Variants in SCAI observed in about 807,000 individuals in gnomAD.
SCAI encodes the protein suppressor of cancer cell invasion.
In SCAI, 24 loss-of-function variants were observed where a neutral mutation model predicts 92.2. The observed-to-expected ratio is 0.26, with a 90% confidence interval of 0.19 to 0.37. SCAI has a LOEUF of 0.37. SCAI is among the 10% of genes least tolerant of loss of function. The pLI, the probability that SCAI is intolerant of heterozygous loss-of-function variation, is 1.00. For synonymous variants in SCAI, 261 were observed against 258.6 expected (o/e 1.01, Z -0.09); for missense variants, 450 against 736.2 (o/e 0.61, Z 4.50).
At chr9:125,066,456 A>ATT (rs1183338955) in intron 2 of SCAI, among the ~76,000 whole-genome samples, 468 of 121,532 alleles carry the variant, frequency 3.9e-3, no homozygotes, top group Non-Finnish European at 6.1e-3. Context: ...TATTTTATTT[A>ATT]TTTATTTATT....
intron 11 of SCAI, 120 bp from the exon 12 acceptor site, chr9:125,002,163 C>T (rs746159302): frequency 1.0e-4 from 72 of 700,626 alleles, no homozygotes; most frequent in Admixed American, 4.7e-5. Flanking sequence ...TTGTCTTTTC[C>T]AAGAGAAGAA....
At chr9:125,089,773 C>T (rs375572453) in intron 2 of SCAI, among the ~76,000 whole-genome samples, 1 of 152,074 alleles carries the variant, frequency 6.6e-6, no homozygotes, top group East Asian at 1.9e-4. Flanking sequence ...GGCACAATCA[C>T]AGCTCACTGC....
chr9:124,957,109 G>A (rs944898882), intron 17 of SCAI, among the ~76,000 whole-genome samples: 2 of 151,230 alleles, frequency 1.3e-5, no homozygotes, highest in Non-Finnish European at 2.9e-5. Flanking sequence ...CTGTTACCTC[G>A]GCCTCCCAGG....
rs1408413345 is a variant in SCAI at position 125,010,874 on chromosome 9, C to T, written c.862-7304G>A. 5.9e-5 allele frequency among the ~76,000 whole-genome samples: 9 copies of T among 152,266 alleles called. No individual in the cohort carries two copies. In the South Asian group the frequency reaches 6.2e-4, roughly 11 times the overall value. On this transcript the variant is annotated intron_variant, in intron 9 of 17. Coordinates refer to ENST00000336505, the MANE Select transcript of SCAI (RefSeq NM_001144877.3). Reference sequence around the variant, plus strand: ...ATCAGACAGCAGCATTCACGGTTCACGAAAATCCGCTGTTCTGCAGCCACC... The same window carrying T: ...ATCAGACAGCAGCATTCACGGTTCATGAAAATCCGCTGTTCTGCAGCCACC...
intron 14 of SCAI, among the ~76,000 whole-genome samples, chr9:124,989,032 G>A (rs575669230): frequency 1.3e-5 from 2 of 151,760 alleles, no homozygotes; most frequent in African/African-American, 4.8e-5. Context: ...CCAGCTACTC[G>A]GGAGGCTGAG....
At chr9:124,984,482 T>A (rs1336840077) in intron 14 of SCAI, among the ~76,000 whole-genome samples, 1 of 152,172 alleles carries the variant, frequency 6.6e-6, no homozygotes, top group Non-Finnish European at 1.5e-5. Flanking sequence ...GATGGTGGTA[T>A]GAGCCAGGAT....
At chr9:125,088,778 G>A (rs1834371644) in intron 2 of SCAI, among the ~76,000 whole-genome samples, 1 of 152,094 alleles carries the variant, frequency 6.6e-6, no homozygotes, top group Non-Finnish European at 1.5e-5. Context: ...ATGCCTGGAT[G>A]TATTATTTTT....
chr9:125,052,339 G>A (rs1833576223), intron 3 of SCAI, among the ~76,000 whole-genome samples: 1 of 152,176 alleles, frequency 6.6e-6, no homozygotes. Flanking sequence ...GGGAGGTCGA[G>A]GCGGGTGGAT....
At chr9:125,119,645 C>T (rs1835118644) in intron 2 of SCAI, among the ~76,000 whole-genome samples, 1 of 152,158 alleles carries the variant, frequency 6.6e-6, no homozygotes, top group Non-Finnish European at 1.5e-5. Context: ...TCCAGTTATC[C>T]CCTGCTACAT....
intron 2 of SCAI, among the ~76,000 whole-genome samples, chr9:125,118,554 G>A (rs758757925): frequency 6.8e-6 from 1 of 147,210 alleles, no homozygotes; most frequent in Non-Finnish European, 1.5e-5. Flanking sequence ...ATGACAACAG[G>A]TAATACAGTT....
At chr9:125,055,247 A>G (rs1833637959) in intron 3 of SCAI, among the ~76,000 whole-genome samples, 1 of 152,178 alleles carries the variant, frequency 6.6e-6, no homozygotes, top group South Asian at 2.1e-4. Flanking sequence ...AATTTTACCT[A>G]TTGTATGAAT....
Position 124,944,409 on chromosome 9 carries a change from C to T in SCAI, c.*8398G>A, listed in dbSNP as rs947613598. 2.0e-5 allele frequency: 3 copies of T among 151,194 alleles called. No individual in the cohort carries two copies. The highest frequency in any genetic ancestry group is 7.3e-5 in the African/African-American group (3 of 41,086). The allele number at this position is 151,194 out of a possible 1,614,324, so 9.4% of individuals were successfully genotyped here. A position where few individuals can be genotyped will look rare whatever the true frequency, so the allele number is the denominator to read the frequency against. ...CGCCTCCCAGGTTACAAGCAGTTCT[C>T]CTGCCTCAGCCTCCCAAGTAGCTGG... On this transcript the variant is annotated 3_prime_UTR_variant, in exon 18 of 18. Coordinates refer to ENST00000336505, the MANE Select transcript of SCAI (RefSeq NM_001144877.3).
At chr9:125,105,516 C>A (rs1168082175) in intron 2 of SCAI, among the ~76,000 whole-genome samples, 1 of 152,168 alleles carries the variant, frequency 6.6e-6, no homozygotes, top group Admixed American at 6.5e-5. Context: ...CCCTTCTCCA[C>A]AAAATAAAGA....
intron 3 of SCAI, among the ~76,000 whole-genome samples, chr9:125,053,622 A>G (rs1833606825): frequency 6.6e-6 from 1 of 152,210 alleles, no homozygotes; most frequent in African/African-American, 2.4e-5. Context: ...AAATCCATAG[A>G]GAAAAAAATT....
chr9:125,066,012 T>C (rs761687006), intron 2 of SCAI: 2 of 771,968 alleles, frequency 2.6e-6, no homozygotes, highest in Non-Finnish European at 4.8e-6. Flanking sequence ...TGTTGATATC[T>C]TTCCCCTTGA....
chr9:125,053,913 C>G (rs1000674638), intron 3 of SCAI, among the ~76,000 whole-genome samples: 2 of 152,162 alleles, frequency 1.3e-5, no homozygotes, highest in Admixed American at 6.5e-5. Flanking sequence ...AGAAGTTACA[C>G]AAGGGATTTA....
chr9:125,033,260 T>C (rs1487157218), intron 3 of SCAI, among the ~76,000 whole-genome samples: 1 of 151,652 alleles, frequency 6.6e-6, no homozygotes, highest in Non-Finnish European at 1.5e-5. Context: ...AAGGCTTGAG[T>C]AGCCAGGAAA....
chr9:125,126,289 C>T (rs1222515573), intron 2 of SCAI, among the ~76,000 whole-genome samples: 2 of 152,180 alleles, frequency 1.3e-5, no homozygotes, highest in Non-Finnish European at 2.9e-5. Flanking sequence ...ATGGCCCTCC[C>T]CATGGGCTGC....
intron 9 of SCAI, among the ~76,000 whole-genome samples, chr9:125,016,683 T>C: frequency 6.6e-6 from 1 of 152,108 alleles, no homozygotes. Flanking sequence ...GAAAAGATGG[T>C]CTTTTTAGTA....
Sources: allele counts gnomAD v4.1 joint callset (sites outside exome capture counted in the v4.1 genomes callset), GRCh38; gene constraint gnomAD v4.1.1; transcripts MANE v1.5; gene names NCBI Gene and HGNC (gene_info 2026-07-23, HGNC 2026-07-21).